The following DDX1 variants were observed in gnomAD, a reference collection of about 807,000 sequenced individuals.
The protein encoded by DDX1 is DEAD-box helicase 1.
DDX1 carries 28 observed loss-of-function variants against 108.7 expected under a neutral mutation model. The observed-to-expected ratio is 0.26, with a 90% CI of 0.19 to 0.35. The LOEUF is 0.35. Among genes scored for constraint, DDX1 ranks in the 10% least tolerant of loss-of-function variants. DDX1 has a pLI of 1.00. For synonymous variants in DDX1, 295 were observed against 288.9 expected, an observed-to-expected ratio of 1.02 and a Z score of -0.21; for missense variants, 710 against 884.5, an observed-to-expected ratio of 0.80 and a Z score of 2.50.
intron 19 of DDX1, 137 bp from the exon 20 acceptor site, chr2:15,626,917 C>T: frequency 3.5e-6 from 2 of 565,352 alleles, no homozygotes; most frequent in Non-Finnish European, 6.3e-6. Flanking sequence ...TTGTGTTAAC[C>T]ATGGTTTATA....
intron 10 of DDX1, among the ~76,000 whole-genome samples, chr2:15,604,786 TAAAGCAGGGGAAGGAA>T (rs1379817152): frequency 3.9e-5 from 6 of 152,154 alleles, no homozygotes; most frequent in Admixed American, 6.5e-5. Context: ...AAGGAGGGTA[TAAAGCAGGGGAAGGAA>T]GTGGAGAGTC....
At chr2:15,628,287 T>C (rs777179740) in intron 20 of DDX1, among the ~76,000 whole-genome samples, 158 bp from the exon 21 acceptor site, 7 of 152,218 alleles carry the variant, frequency 4.6e-5, no homozygotes, top group Non-Finnish European at 1.0e-4. Context: ...GACATAAAAC[T>C]TCAAGACTTG....
chr2:15,600,270 C>T (rs1235479736), intron 6 of DDX1, among the ~76,000 whole-genome samples: 2 of 152,212 alleles, frequency 1.3e-5, no homozygotes, highest in African/African-American at 2.4e-5. Context: ...TTGGGAATAA[C>T]CTCCATCATG....
intron 19 of DDX1, 147 bp downstream of exon 19, chr2:15,623,729 C>G (rs1284259974): frequency 3.1e-6 from 2 of 640,454 alleles, no homozygotes; most frequent in East Asian, 5.6e-5. Flanking sequence ...CAGTACTTTT[C>G]CATATGATAA....
At chr2:15,623,922 G>A (rs1279357955) in intron 19 of DDX1, among the ~76,000 whole-genome samples, 1 of 149,142 alleles carries the variant, frequency 6.7e-6, no homozygotes, top group Non-Finnish European at 1.5e-5. Flanking sequence ...AGTAGATGGG[G>A]AAAGGGGAAT....
intron 16 of DDX1, among the ~76,000 whole-genome samples, chr2:15,618,633 G>C (rs1182868777): frequency 2.0e-5 from 3 of 152,248 alleles, no homozygotes; most frequent in Admixed American, 2.0e-4. Context: ...GAGGCTTCAG[G>C]TCTTCCCCAG....
At position 15,629,703 on chromosome 2, in the gene DDX1, A is replaced by T. The variant is rs1357691822; in HGVS notation, c.1971+6A>T. The T allele has an allele frequency of 6.5e-7, 1 of 1,547,724 alleles. No individual in the cohort carries two copies. The highest frequency in any genetic ancestry group is 2.3e-5 in the East Asian group (1 of 42,934). On this transcript the variant is annotated splice_donor_region_variant and intron_variant, in intron 24 of 25. Transcript: ENST00000233084. ...TATGGTACAACGAGATGCAGGTAAG[A>T]CTTCGAGTTAGGCTCACAAATAATG...
At chr2:15,622,773 T>C (rs1310059673) in intron 18 of DDX1, among the ~76,000 whole-genome samples, 2 of 152,226 alleles carry the variant, frequency 1.3e-5, no homozygotes, top group Admixed American at 6.5e-5. Flanking sequence ...TGCATAAGTT[T>C]TGCTTAGTTT....
At chr2:15,599,894 A>T (rs184163236) in intron 6 of DDX1, among the ~76,000 whole-genome samples, 178 bp downstream of exon 6, 2 of 152,374 alleles carry the variant, frequency 1.3e-5, no homozygotes, top group East Asian at 3.9e-4. Flanking sequence ...ATGGAAATAA[A>T]TCTCAGCACA....
chr2:15,602,050 A>G (rs894229361), intron 6 of DDX1, among the ~76,000 whole-genome samples: 3 of 152,232 alleles, frequency 2.0e-5, no homozygotes, highest in African/African-American at 7.2e-5. Flanking sequence ...GGATTGAGGA[A>G]CAAGCTAGAG....
rs7580345 is a variant in DDX1, at chr2:15,601,518, A to G, written c.308-1030A>G. On this transcript the variant is annotated intron_variant, in intron 6 of 25. Transcript: ENST00000233084. Reference sequence around the variant, plus strand: ...AGTGGCTCACAGAACTCGGGGAAATATGTTTACTGGTTTATTTTTAAAGCT... The same window carrying G: ...AGTGGCTCACAGAACTCGGGGAAATGTGTTTACTGGTTTATTTTTAAAGCT... Among the ~76,000 whole-genome samples the G allele has an allele frequency of 8.7e-3, 1,317 of 152,254 alleles. 19 individuals are homozygous for G. Among genetic ancestry groups the G allele is most frequent in the African/African-American group, 0.029 (1,204 of 41,534 alleles).
At chr2:15,615,696 A>C (rs1665882727) in intron 14 of DDX1, among the ~76,000 whole-genome samples, 1 of 152,182 alleles carries the variant, frequency 6.6e-6, no homozygotes, top group Non-Finnish European at 1.5e-5. Context: ...CTAGAGGAAT[A>C]ACTTTGCTAA....
At chr2:15,610,852 C>T (rs1665739507) in intron 13 of DDX1, among the ~76,000 whole-genome samples, 1 of 134,276 alleles carries the variant, frequency 7.4e-6, no homozygotes, top group African/African-American at 3.1e-5. Flanking sequence ...TTCCCACCTT[C>T]CCCAGACTTG....
chr2:15,623,670 C>A, intron 19 of DDX1, 88 bp downstream of exon 19: 1 of 1,102,928 alleles, frequency 9.1e-7, no homozygotes, highest in Non-Finnish European at 1.3e-6. Flanking sequence ...AGAACACATG[C>A]ACAGAATTTA....
chr2:15,629,599 T>G lies in DDX1; in HGVS notation c.1876-3T>G. On this transcript the variant is annotated splice_region_variant and splice_polypyrimidine_tract_variant and intron_variant, in intron 23 of 25. Transcript: ENST00000233084. ...GTTAATATTTTTTCCTTTTTAAATT[T>G]AGGTTTGGTACCATGTATGTAGCAG... 1 of 1,584,800 alleles carries G rather than the reference T, an allele frequency of 6.3e-7. No homozygotes were observed. Among genetic ancestry groups the G allele is most frequent in the Non-Finnish European group, 8.5e-7 (1 of 1,170,108 alleles).
chr2:15,606,023 GAAGGTAATTA>G lies in DDX1; in HGVS notation c.700_702+7del. The G allele has an allele frequency of 6.3e-7, 1 of 1,587,100 alleles. No homozygotes were observed. On this transcript the variant is annotated splice_donor_variant and splice_donor_5th_base_variant and coding_sequence_variant and intron_variant, in exon 11 of 26. Coordinates refer to ENST00000233084, the MANE Select transcript of DDX1 (RefSeq NM_004939.3). LOFTEE classifies it high-confidence loss of function. ...AAGCCCTCTTTCCTGCCTGTGTTTT[GAAGGTAATTA>G]GGAATCTAGTTAGAAAAAATTTGCT...
chr2:15,605,899 G>A (rs755880460), intron 10 of DDX1, 51 bp from the exon 11 acceptor site: 1 of 1,245,538 alleles, frequency 8.0e-7, no homozygotes, highest in South Asian at 1.5e-5. Flanking sequence ...GTCAGCATGA[G>A]GAAGGTCTTT....
At chr2:15,602,750 A>AG in intron 7 of DDX1, 119 bp downstream of exon 7, 1 of 727,854 alleles carries the variant, frequency 1.4e-6, no homozygotes, top group South Asian at 1.8e-5. Flanking sequence ...CCCGGGCTGG[A>AG]GGGCCCGGGC....
chr2:15,612,143 C>G (rs1470936583), intron 13 of DDX1, among the ~76,000 whole-genome samples: 1 of 140,450 alleles, frequency 7.1e-6, no homozygotes, highest in Non-Finnish European at 1.5e-5. Flanking sequence ...GGGGGCTGAC[C>G]CCCCCCACCT....
Sources: allele counts gnomAD v4.1 joint callset (sites outside exome capture counted in the v4.1 genomes callset), GRCh38; gene constraint gnomAD v4.1.1; transcripts MANE v1.5; gene names NCBI Gene and HGNC (gene_info 2026-07-23, HGNC 2026-07-21).